Variants in GRM7 observed in about 807,000 individuals in gnomAD.
GRM7 encodes metabotropic glutamate receptor 7.
Under a neutral mutation model 84.5 loss-of-function variants are expected in GRM7, and 35 were observed. The observed-to-expected ratio is 0.41, with a 90% CI of 0.32 to 0.55. The LOEUF is 0.55. Ranked by LOEUF, GRM7 falls within the 20% of genes least tolerant of loss-of-function variation. The probability of loss-of-function intolerance (pLI) is 0.19; values close to 1 mark genes in which losing one functional copy is unlikely to be tolerated. For missense variants in GRM7, 1,003 were observed against 1,194.6 expected (o/e 0.84, Z 2.36); for synonymous variants, 487 against 455.1 (o/e 1.07, Z -0.89).
intron 1 of GRM7, among the ~76,000 whole-genome samples, chr3:7,048,632 A>G (rs950784535): frequency 4.6e-5 from 7 of 151,976 alleles, no homozygotes; most frequent in Non-Finnish European, 1.0e-4. Flanking sequence ...ATTGTACAAC[A>G]TAAAGGTTTT....
Position 7,690,698 on chromosome 3 carries a change from A to G in GRM7, c.2698+10403A>G, listed in dbSNP as rs766596197. 4.4e-4 allele frequency among the ~76,000 whole-genome samples: 67 copies of G among 152,372 alleles called. 1 individual carries two copies. The highest frequency in any genetic ancestry group is 2.5e-3 in the Admixed American group (38 of 15,306). On this transcript the variant is annotated intron_variant, in intron 9 of 9. Coordinates refer to ENST00000357716, the MANE Select transcript of GRM7 (RefSeq NM_000844.4). Reference sequence around the variant, plus strand: ...AGATATCTATACTTTCAAAGTGCACATGAACTTGAAAGATTCCACTGGACA... The same window carrying G: ...AGATATCTATACTTTCAAAGTGCACGTGAACTTGAAAGATTCCACTGGACA...
At chr3:7,407,547 A>T (rs1695735482) in intron 4 of GRM7, among the ~76,000 whole-genome samples, 1 of 152,230 alleles carries the variant, frequency 6.6e-6, no homozygotes, top group African/African-American at 2.4e-5. Context: ...ATGTTGGTTT[A>T]TCCTTCATAC....
intron 1 of GRM7, among the ~76,000 whole-genome samples, chr3:7,058,645 C>G (rs1697317021): frequency 6.6e-6 from 1 of 151,778 alleles, no homozygotes; most frequent in African/African-American, 2.4e-5. Flanking sequence ...ATTTAATTTC[C>G]TCAGCAAGTC....
chr3:7,170,758 T>C (rs1337735428), intron 2 of GRM7, among the ~76,000 whole-genome samples: 2 of 152,160 alleles, frequency 1.3e-5, no homozygotes, highest in Non-Finnish European at 2.9e-5. Context: ...AAGGGTAGTC[T>C]GTCAGATTAG....
At position 7,740,660 on chromosome 3, in the gene GRM7, A is replaced by C. The variant is rs1241119756; in HGVS notation, c.*254A>C. 2.8e-6 allele frequency: 1 copy of C among 362,940 alleles called. No individual in the cohort carries two copies. The highest frequency in any genetic ancestry group is 4.9e-6 in the Non-Finnish European group (1 of 204,268). The allele number at this position is 362,940 out of a possible 1,614,324, so 22.5% of individuals were successfully genotyped here. On this transcript the variant is annotated 3_prime_UTR_variant, in exon 10 of 10. Transcript: ENST00000357716. ...ATTGTGGACCTTCCCTACCAAAGGG[A>C]GTGTTGAAACTCAAGTCCCGCCCTG...
intron 7 of GRM7, among the ~76,000 whole-genome samples, chr3:7,562,489 A>T (rs1694073299): frequency 2.0e-5 from 3 of 152,062 alleles, no homozygotes; most frequent in Admixed American, 2.0e-4. Context: ...GATCAAGATG[A>T]TCTAGCCAGA....
chr3:7,661,752 C>G (rs2125123804), intron 8 of GRM7, among the ~76,000 whole-genome samples: 1 of 134,178 alleles, frequency 7.5e-6, no homozygotes, highest in South Asian at 2.4e-4. Context: ...CGAGATCGTG[C>G]CACTGCACTC....
intron 7 of GRM7, among the ~76,000 whole-genome samples, chr3:7,468,406 C>G (rs1698549439): frequency 3.9e-5 from 6 of 152,144 alleles, no homozygotes; most frequent in African/African-American, 1.4e-4. Context: ...AGTCTCAGTT[C>G]TACCATTACT....
At chr3:6,875,402 C>T (rs756150135) in intron 1 of GRM7, among the ~76,000 whole-genome samples, 1 of 152,118 alleles carries the variant, frequency 6.6e-6, no homozygotes, top group Non-Finnish European at 1.5e-5. Flanking sequence ...TTCCCCCATA[C>T]TGTTCTCTTG....
chr3:7,198,406 A>G (rs1695952704), intron 2 of GRM7, among the ~76,000 whole-genome samples: 1 of 152,178 alleles, frequency 6.6e-6, no homozygotes, highest in Admixed American at 6.5e-5. Flanking sequence ...CTTCTAGGGT[A>G]CTGATAACCT....
chr3:7,354,539 C>T (rs553804726), intron 4 of GRM7, among the ~76,000 whole-genome samples: 57 of 152,226 alleles, frequency 3.7e-4, no homozygotes, highest in African/African-American at 1.2e-3. Flanking sequence ...TTAGGAAAAT[C>T]GTAAGACAGA....
Position 6,861,288 on chromosome 3 carries a change from T to G in GRM7, c.-101T>G, listed in dbSNP as rs1453648258. The stretch of plus-strand genomic sequence containing the variant: ...CACCCTCCGTGCCTGCAGGAGCCCC[T>G]GGGCTTTCCCGGAGGAGCTCGCCCT... On this transcript the variant is annotated 5_prime_UTR_variant, in exon 1 of 10. Transcript: ENST00000357716. This position sits in a 1 kb window ranked among gnomAD's most constrained non-coding sequence, Gnocchi z 6.4. 9.4e-7 allele frequency: 1 copy of G among 1,059,938 alleles called. No homozygotes were observed. Among genetic ancestry groups the G allele is most frequent in the African/African-American group, 1.7e-5 (1 of 59,286 alleles). 65.7% of individuals were successfully genotyped at this position (1,059,938 alleles called of 1,614,324 possible). A position where few individuals can be genotyped will look rare whatever the true frequency, so the allele number is the denominator to read the frequency against.
At chr3:6,869,595 C>G (rs187267905) in intron 1 of GRM7, among the ~76,000 whole-genome samples, 211 of 151,952 alleles carry the variant, frequency 1.4e-3, no homozygotes, top group African/African-American at 4.8e-3. Context: ...ATCTATCTAT[C>G]TATCTATGGA....
chr3:7,552,159 C>G (rs565063935), intron 7 of GRM7, among the ~76,000 whole-genome samples: 1 of 152,224 alleles, frequency 6.6e-6, no homozygotes, highest in South Asian at 2.1e-4. Flanking sequence ...TGAAATCCAG[C>G]CAGGCAGTCA....
intron 1 of GRM7, among the ~76,000 whole-genome samples, chr3:6,962,585 A>G (rs1271061789): frequency 6.6e-6 from 1 of 152,184 alleles, no homozygotes; most frequent in Non-Finnish European, 1.5e-5. Context: ...ATGATGACAT[A>G]TACTTATTCC....
At chr3:7,333,978 A>G (rs762769115) in intron 4 of GRM7, among the ~76,000 whole-genome samples, 15 of 151,970 alleles carry the variant, frequency 9.9e-5, no homozygotes, top group Non-Finnish European at 1.8e-4. Flanking sequence ...TTAAATGACC[A>G]AACATAAGAA....
At chr3:7,058,325 A>G (rs2124965594) in intron 1 of GRM7, among the ~76,000 whole-genome samples, 1 of 152,074 alleles carries the variant, frequency 6.6e-6, no homozygotes, top group East Asian at 1.9e-4. Flanking sequence ...TTCAAAATTG[A>G]AAGTATTTAA....
chr3:7,365,527 C>T (rs1021521423), intron 4 of GRM7, among the ~76,000 whole-genome samples: 2 of 150,984 alleles, frequency 1.3e-5, no homozygotes, highest in African/African-American at 2.4e-5. Flanking sequence ...TTAATAGATT[C>T]CTTCATTCAA....
At chr3:7,100,651 A>G (rs763110411) in intron 1 of GRM7, among the ~76,000 whole-genome samples, 2 of 151,800 alleles carry the variant, frequency 1.3e-5, no homozygotes, top group Non-Finnish European at 2.9e-5. Flanking sequence ...AAAAATTTAC[A>G]TACAGTGAAA....
Sources: gnomAD v4.1 joint callset for allele counts (sites outside exome capture counted in the v4.1 genomes callset) on GRCh38, gnomAD v4.1.1 for gene constraint, Gnocchi (gnomAD v3.1) non-coding constraint, MANE v1.5 for transcripts, NCBI Gene and HGNC (gene_info 2026-07-23, HGNC 2026-07-21) for gene names.